Variants in PHLDB1 observed in about 807,000 individuals in gnomAD.
PHLDB1 encodes pleckstrin homology-like domain family B member 1.
Under a neutral mutation model 139.3 loss-of-function variants are expected in PHLDB1, and 65 were observed. That is an observed-to-expected ratio of 0.47 (90% CI 0.38 to 0.57). The LOEUF (loss-of-function observed/expected upper bound fraction) is 0.57, where lower values mean the gene tolerates loss of function less well. Among genes scored for constraint, PHLDB1 ranks in the 20% least tolerant of loss-of-function variants. The probability of loss-of-function intolerance (pLI) is 0.00; values close to 1 mark genes in which losing one functional copy is unlikely to be tolerated. For missense variants in PHLDB1, 1,624 were observed against 1,839.7 expected, an observed-to-expected ratio of 0.88 and a Z score of 2.14; for synonymous variants, 679 against 734.5, an observed-to-expected ratio of 0.92 and a Z score of 1.22.
chr11:118,635,501 C>A lies in PHLDB1; in HGVS notation c.2488C>A (p.Leu830Met). 1.9e-6 allele frequency: 3 copies of A among 1,608,802 alleles called. No individual in the cohort carries two copies. The highest frequency in any genetic ancestry group is 2.5e-6 in the Non-Finnish European group (3 of 1,177,886). ...GGAGCGCGAGCTGGCCGGCCAGGGG[C>A]TGCTCCGGAGCAAGGCTGAGCTGCT... ...EEERELAGQG[L>M]LRSKAELLRS... The change falls in exon 10 of 23, where the codon CTG (leucine) becomes ATG (methionine). Residue 830 changes from leucine (L) to methionine (M), a missense_variant. Leu to Met is a conservative substitution (Grantham distance 15, BLOSUM62 2). Coordinates refer to ENST00000600882, the MANE Select transcript of PHLDB1 (RefSeq NM_001144758.3).
chr11:118,622,326 A>G (rs1942989251), intron 4 of PHLDB1, among the ~76,000 whole-genome samples: 1 of 152,222 alleles, frequency 6.6e-6, no homozygotes, highest in African/African-American at 2.4e-5. Flanking sequence ...AGGGGCCAGC[A>G]TCAGGGCAAT....
intron 3 of PHLDB1, chr11:118,615,293 C>A (rs534073005): frequency 2.5e-3 from 377 of 151,866 alleles, no homozygotes; most frequent in Non-Finnish European, 4.0e-3. Context: ...CCAATGTGGC[C>A]AAGAAGAAAA....
At chr11:118,644,930 G>T in intron 15 of PHLDB1, 1 of 266,076 alleles carries the variant, frequency 3.8e-6, no homozygotes, top group Non-Finnish European at 7.4e-6. Flanking sequence ...ATTGCAGGGG[G>T]GTCTGCATTG....
intron 12 of PHLDB1, 161 bp from the exon 13 acceptor site, chr11:118,642,093 C>T: frequency 4.1e-6 from 3 of 730,408 alleles, no homozygotes; most frequent in Non-Finnish European, 7.3e-6. Flanking sequence ...ACCTTCCTGT[C>T]CATTTCCCTG....
intron 20 of PHLDB1, chr11:118,653,069 G>A (rs1436412169): frequency 6.6e-6 from 1 of 152,556 alleles, no homozygotes; most frequent in Non-Finnish European, 1.5e-5. Flanking sequence ...GCTGTGCATG[G>A]GGCCAGGAGC....
intron 13 of PHLDB1, 28 bp downstream of exon 13, chr11:118,642,422 C>T: frequency 6.3e-7 from 1 of 1,599,658 alleles, no homozygotes; most frequent in Non-Finnish European, 8.5e-7. Context: ...GCCCGTCCTC[C>T]CCAGCCTTTG....
chr11:118,625,482 C>T (rs1425327596), intron 5 of PHLDB1, among the ~76,000 whole-genome samples: 1 of 152,230 alleles, frequency 6.6e-6, no homozygotes, highest in East Asian at 1.9e-4. Context: ...TCACTCCATG[C>T]CCTGCCCGCT....
At chr11:118,642,504 C>A in intron 13 of PHLDB1, 110 bp downstream of exon 13, 3 of 1,300,536 alleles carry the variant, frequency 2.3e-6, no homozygotes, top group East Asian at 2.4e-5. Flanking sequence ...GGCGTCAGCC[C>A]AGTCAGGGCA....
intron 3 of PHLDB1, 146 bp downstream of exon 3, chr11:118,614,828 T>G (rs1941262156): frequency 1.4e-6 from 1 of 725,444 alleles, no homozygotes; most frequent in East Asian, 2.8e-5. Flanking sequence ...TTCCCTTGTC[T>G]CTGCCTCCCC....
At chr11:118,617,510 G>A (rs1941886978) in intron 4 of PHLDB1, among the ~76,000 whole-genome samples, 1 of 151,980 alleles carries the variant, frequency 6.6e-6, no homozygotes, top group Non-Finnish European at 1.5e-5. Flanking sequence ...CTGTTGCCCA[G>A]GCTGGAGTGC....
Position 118,620,133 on chromosome 11 carries a change from T to C in PHLDB1, c.355+3922T>C, listed in dbSNP as rs1049523373. Among the ~76,000 whole-genome samples the C allele has an allele frequency of 1.3e-5, 2 of 152,156 alleles. No individual in the cohort carries two copies. Among genetic ancestry groups the C allele is most frequent in the African/African-American group, 2.4e-5 (1 of 41,432 alleles). On this transcript the variant is annotated intron_variant, in intron 4 of 22. Transcript: ENST00000600882. This position sits in a 1 kb window ranked among gnomAD's most constrained non-coding sequence, Gnocchi z 4.1. ...AACATTGTGTCCCGTAAGGCTCTGG[T>C]GTGCAGGGGCCAGGTCCCTGGAACA...
chr11:118,634,249 C>T (rs1424460935), intron 9 of PHLDB1: 4 of 152,300 alleles, frequency 2.6e-5, no homozygotes, highest in Non-Finnish European at 5.9e-5. Flanking sequence ...AATTGCAACC[C>T]TCATCCCTGA....
rs782609223 is a variant in PHLDB1 at position 118,632,162 on chromosome 11, G to A, written c.2245G>A (p.Glu749Lys). 1.9e-5 allele frequency: 31 copies of A among 1,613,906 alleles called. 1 individual carries two copies. Among genetic ancestry groups the A allele is most frequent in the Admixed American group, 3.3e-5 (2 of 60,008 alleles). ...QQLQESAREA[E>K]MERALLQGER... ...GGACCCTGGTGTCTGCCCCCAGGCC[G>A]AAATGGAGCGGGCACTGCTGCAGGG... is the stretch of plus-strand genomic sequence containing the variant. The change falls in exon 9 of 23, where the codon GAA becomes AAA. Residue 749 changes from glutamate (E) to lysine (K), a missense_variant. By Grantham distance (56) the Glu-to-Lys change is moderately conservative. Coordinates refer to ENST00000600882, the MANE Select transcript of PHLDB1 (RefSeq NM_001144758.3). This position sits in a 1 kb window ranked among gnomAD's most constrained non-coding sequence, Gnocchi z 5.9.
At chr11:118,614,500 T>C (rs1354744294) in intron 2 of PHLDB1, 59 bp from the exon 3 acceptor site, 2 of 1,597,358 alleles carry the variant, frequency 1.3e-6, no homozygotes, top group Non-Finnish European at 8.6e-7. Flanking sequence ...GTGTGACTGG[T>C]TTAGGGTGGT....
At chr11:118,639,402 G>A in intron 12 of PHLDB1, 151 bp downstream of exon 12, 1 of 648,446 alleles carries the variant, frequency 1.5e-6, no homozygotes, top group South Asian at 1.8e-5. Context: ...CCCAAGCTCT[G>A]GGATTTGATT....
rs149410198 is a variant in PHLDB1 at position 118,630,113 on chromosome 11, C to T, written c.1828-1094C>T. 1,607 of 1,226,512 alleles carry T rather than the reference C, an allele frequency of 1.3e-3. 3 individuals are homozygous for T. The highest frequency in any genetic ancestry group is 1.6e-3 in the Non-Finnish European group (1,538 of 932,940). 76.0% of individuals were successfully genotyped at this position (1,226,512 alleles called of 1,614,324 possible). A position where few individuals can be genotyped will look rare whatever the true frequency, so the allele number is the denominator to read the frequency against. ...TGTATGAGAACACCTCTCCAGCCTT[C>T]TCTCCACTTCCTGCGGTTTGGGTTC... is the stretch of plus-strand genomic sequence containing the variant. On this transcript the variant is annotated intron_variant, in intron 6 of 22. Transcript: ENST00000600882.
At position 118,650,620 on chromosome 11, in the gene PHLDB1, C is replaced by T; in HGVS notation, c.3874+73C>T. 1 of 1,068,880 alleles carries T rather than the reference C, an allele frequency of 9.4e-7. No individual in the cohort carries two copies. The highest frequency in any genetic ancestry group is 1.5e-6 in the Non-Finnish European group (1 of 689,650). 66.2% of individuals were successfully genotyped at this position (1,068,880 alleles called of 1,614,324 possible). On this transcript the variant is annotated intron_variant, in intron 20 of 22. Transcript: ENST00000600882. The surrounding 1 kb of genome is among the most constrained non-coding windows in gnomAD (Gnocchi z 4.7). ...TCTGTTACCCAGGACGGCTGGTCTT[C>T]TAGAAGGAGGCCAAGCTTCCAAGTA...
chr11:118,646,083 AC>A lies in PHLDB1; in HGVS notation c.3507+262del, dbSNP rs202039550. 4.0e-3 allele frequency among the ~76,000 whole-genome samples: 614 copies of A among 152,048 alleles called. 7 individuals are homozygous for A. The highest frequency in any genetic ancestry group is 0.014 in the African/African-American group (582 of 41,460). ...AAACCATCCTGGCTAACACGGTGAA[AC>A]CCCGTCTCTACTGAAAATACAAAAA... is the stretch of plus-strand genomic sequence containing the variant. On this transcript the variant is annotated intron_variant, in intron 17 of 22. Transcript: ENST00000600882.
intron 12 of PHLDB1, 79 bp from the exon 13 acceptor site, chr11:118,642,175 T>C (rs782720582): frequency 2.2e-6 from 3 of 1,341,000 alleles, no homozygotes; most frequent in Non-Finnish European, 3.2e-6. Flanking sequence ...TCCTGCCTTT[T>C]CCTTTCCCTT....
Sources: gnomAD v4.1 joint callset for allele counts (sites outside exome capture counted in the v4.1 genomes callset) on GRCh38, gnomAD v4.1.1 for gene constraint, Gnocchi (gnomAD v3.1) non-coding constraint, MANE v1.5 for transcripts, NCBI Gene and HGNC (gene_info 2026-07-23, HGNC 2026-07-21) for gene names.